Variants in STIM2 observed in about 807,000 individuals in gnomAD.
The protein encoded by STIM2 is stromal interaction molecule 2.
In STIM2, 31 loss-of-function variants were observed where a neutral mutation model predicts 85.8. That is an observed-to-expected ratio of 0.36 (90% confidence interval 0.27 to 0.49). The LOEUF (loss-of-function observed/expected upper bound fraction) is 0.49, where lower values mean the gene tolerates loss of function less well. Among genes scored for constraint, STIM2 ranks in the 20% least tolerant of loss-of-function variants. The pLI, the probability that STIM2 is intolerant of heterozygous loss-of-function variation, is 0.98. For synonymous variants in STIM2, 356 were observed against 331.1 expected (o/e 1.08, Z -0.82); for missense variants, 841 against 927.6 (o/e 0.91, Z 1.21).
intron 3 of STIM2, among the ~76,000 whole-genome samples, chr4:26,980,364 G>A (rs2109112823): frequency 6.6e-6 from 1 of 151,968 alleles, no homozygotes; most frequent in South Asian, 2.1e-4. Flanking sequence ...AAAGGACTCT[G>A]AATTTAATTA....
chr4:27,016,004 T>TTA (rs1399896457), intron 10 of STIM2, among the ~76,000 whole-genome samples: 1 of 152,104 alleles, frequency 6.6e-6, no homozygotes, highest in Non-Finnish European at 1.5e-5. Flanking sequence ...ACCTTTCTTT[T>TTA]TATAGTCTTT....
At chr4:26,930,831 G>A (rs12644232) in intron 2 of STIM2, among the ~76,000 whole-genome samples, 87,417 of 152,040 alleles carry the variant, frequency 0.57, 25,720 homozygotes, top group East Asian at 0.73. Flanking sequence ...TAACTTATGT[G>A]TTAGTTTATT....
chr4:26,863,177 A>G (rs948628887), intron 1 of STIM2, among the ~76,000 whole-genome samples: 1 of 152,150 alleles, frequency 6.6e-6, no homozygotes, highest in African/African-American at 2.4e-5. Context: ...TATTTAAGGC[A>G]TGGGGGAAAA....
At chr4:26,888,094 T>A (rs1723328661) in intron 1 of STIM2, among the ~76,000 whole-genome samples, 1 of 152,238 alleles carries the variant, frequency 6.6e-6, no homozygotes, top group African/African-American at 2.4e-5. Flanking sequence ...AGATGTTAAC[T>A]GTGTTTACAA....
At chr4:26,977,167 G>C (rs1727232805) in intron 3 of STIM2, among the ~76,000 whole-genome samples, 1 of 152,088 alleles carries the variant, frequency 6.6e-6, no homozygotes, top group African/African-American at 2.4e-5. Flanking sequence ...TATATTCCAG[G>C]TTTAGGGACC....
Position 27,008,506 on chromosome 4 carries a change from G to T in STIM2, c.1228G>T (p.Asp410Tyr). Residue 410 changes from aspartate (D) to tyrosine (Y), a missense_variant, in exon 9 of 12, where the codon GAC (aspartate) becomes TAC (tyrosine). Around this residue, in one of 3 missense-constraint regions of STIM2, gnomAD observed 408 missense variants for 525.4 expected, o/e 0.78. Transcript: ENST00000467087. ...ACACAGCTCCTCCCTAGATGAGGTA[G>T]ACCACAAAATTCTGGAAGCAAAGTA... The T allele has an allele frequency of 2.5e-6, 4 of 1,598,104 alleles. No homozygotes were observed. The South Asian group carries it at 4.6e-5, about 19-fold the overall frequency.
intron 2 of STIM2, among the ~76,000 whole-genome samples, chr4:26,945,380 A>G (rs1053436948): frequency 8.6e-5 from 13 of 152,038 alleles, no homozygotes; most frequent in Non-Finnish European, 1.8e-4. Context: ...TGTCTTTACT[A>G]TTGTGAATTG....
chr4:26,971,675 T>C (rs572655878), intron 3 of STIM2, among the ~76,000 whole-genome samples: 8 of 152,280 alleles, frequency 5.3e-5, no homozygotes, highest in African/African-American at 1.7e-4. Context: ...AGTCAGGTAG[T>C]GTGATGCCTC....
chr4:26,887,008 G>A (rs1338437444), intron 1 of STIM2, among the ~76,000 whole-genome samples: 1 of 152,132 alleles, frequency 6.6e-6, no homozygotes, highest in Non-Finnish European at 1.5e-5. Flanking sequence ...AAGCCCTTCT[G>A]TTCTGTTGTC....
At position 27,025,087 on chromosome 4, in the gene STIM2, G is replaced by GC. The variant is rs1166875487; in HGVS notation, c.*2092dup. On this transcript the variant is annotated 3_prime_UTR_variant, in exon 12 of 12. Transcript: ENST00000467087. ...ACTGTGGGCTGTTTTCAGTCAGGGAGCATGTGCATTGTTTGTGCTCAATTT... is the reference window on the plus strand; with the variant it reads ...ACTGTGGGCTGTTTTCAGTCAGGGAGCCATGTGCATTGTTTGTGCTCAATTT... 1 of 152,130 alleles carries GC rather than the reference G, an allele frequency of 6.6e-6. No individual in the cohort carries two copies. Among genetic ancestry groups the GC allele is most frequent in the Non-Finnish European group, 1.5e-5 (1 of 68,040 alleles). 9.4% of individuals were successfully genotyped at this position (152,130 alleles called of 1,614,324 possible). A position where few individuals can be genotyped will look rare whatever the true frequency, so the allele number is the denominator to read the frequency against.
In STIM2 at chr4:26,963,601, G is replaced by GT. The variant is rs199928554; in HGVS notation, c.397+5879dup. 9.2e-3 allele frequency among the ~76,000 whole-genome samples: 1,408 copies of GT among 152,284 alleles called. 18 individuals carry two copies. Among genetic ancestry groups the GT allele is most frequent in the African/African-American group, 0.032 (1,331 of 41,564 alleles). On this transcript the variant is annotated intron_variant, in intron 3 of 11. Transcript: ENST00000467087. The stretch of plus-strand genomic sequence containing the variant: ...CTTTCTCCTCCAGGAGTTTAACAGT[G>GT]TTTTGCATGTATGCAGATGAAATGT...
chr4:27,021,072 A>G (rs1196801874), intron 11 of STIM2: 4 of 1,534,826 alleles, frequency 2.6e-6, no homozygotes, highest in South Asian at 2.4e-5. Flanking sequence ...AAAAAAAGTG[A>G]GTAAGATGTG....
At chr4:27,011,358 A>G (rs139675065) in intron 10 of STIM2, among the ~76,000 whole-genome samples, 1 of 152,332 alleles carries the variant, frequency 6.6e-6, no homozygotes, top group African/African-American at 2.4e-5. Context: ...ATGTTTATTT[A>G]TTGTATTTAA....
At chr4:27,018,729 A>G (rs1012101918) in intron 11 of STIM2, among the ~76,000 whole-genome samples, 3 of 152,234 alleles carry the variant, frequency 2.0e-5, no homozygotes, top group African/African-American at 7.2e-5. Flanking sequence ...GTCACTGGAC[A>G]CGGTTGACTC....
At chr4:26,877,889 A>C (rs927119854) in intron 1 of STIM2, among the ~76,000 whole-genome samples, 1 of 152,102 alleles carries the variant, frequency 6.6e-6, no homozygotes. Context: ...CATAAGTGGG[A>C]TTAATGTTGT....
At chr4:26,956,161 G>GA (rs199655365) in intron 2 of STIM2, among the ~76,000 whole-genome samples, 1 of 149,878 alleles carries the variant, frequency 6.7e-6, no homozygotes, top group African/African-American at 2.5e-5. Context: ...TGGAACAATA[G>GA]AAAAAAAAGA....
chr4:26,927,855 T>C (rs921325719), intron 2 of STIM2, among the ~76,000 whole-genome samples: 18 of 135,580 alleles, frequency 1.3e-4, no homozygotes, highest in African/African-American at 5.6e-4. Context: ...TATTAATATA[T>C]AATTATTATA....
At chr4:26,870,353 TGTG>T (rs1182839039) in intron 1 of STIM2, among the ~76,000 whole-genome samples, 1 of 152,076 alleles carries the variant, frequency 6.6e-6, no homozygotes, top group Non-Finnish European at 1.5e-5. Context: ...TTAGCTTCAT[TGTG>T]GTGAATATTT....
In STIM2 at chr4:26,866,256, T is replaced by C. The variant is rs148718813; in HGVS notation, c.151+4887T>C. On this transcript the variant is annotated intron_variant, in intron 1 of 11. Transcript: ENST00000467087. ...TCATATAGTAGATTAGGAAACATGC[T>C]GGATGATCTTAAGTAACTTGCCCAA... Among the ~76,000 whole-genome samples the C allele has an allele frequency of 2.7e-3, 405 of 152,296 alleles. 1 individual carries two copies. The highest frequency in any genetic ancestry group is 9.5e-3 in the African/African-American group (393 of 41,572).
Sources: allele counts gnomAD v4.1 joint callset (sites outside exome capture counted in the v4.1 genomes callset), GRCh38; gene constraint gnomAD v4.1.1; regional missense constraint gnomAD v4.1.1; transcripts MANE v1.5; gene names NCBI Gene and HGNC (gene_info 2026-07-23, HGNC 2026-07-21).